Variants in UXT observed in about 807,000 individuals in gnomAD.
UXT encodes ubiquitously expressed prefoldin like chaperone.
For synonymous variants in UXT, 54 were observed against 52.8 expected (o/e 1.02, Z -0.10); for missense variants, 111 against 132.7 (o/e 0.84, Z 0.80).
At chrX:47,654,760 A>C (rs2058078665) in intron 4 of UXT, among the ~76,000 whole-genome samples, 1 of 112,150 alleles carries the variant, frequency 8.9e-6, no homozygotes. Context: ...CTCTTAGAAA[A>C]ATTAAACTTC....
intron 5 of UXT, 79 bp downstream of exon 6, chrX:47,652,002 C>T: frequency 8.5e-7 from 1 of 1,171,594 alleles, no homozygotes; most frequent in Non-Finnish European, 1.2e-6. Context: ...AAAGATGGTC[C>T]TTCCCTTCTT....
chrX:47,652,131 G>T lies in UXT; in HGVS notation c.406C>A (p.Leu136Ile). The T allele has an allele frequency of 5.8e-6, 7 of 1,206,863 alleles. No homozygotes were observed. The highest frequency in any genetic ancestry group is 7.8e-6 in the Non-Finnish European group (7 of 892,786). Residue 136 changes from leucine (L) to isoleucine (I), a missense_variant, in exon 5 of 6, where the codon CTC becomes ATC. Physicochemically the swap from Leu to Ile is conservative, Grantham distance 5. Coordinates refer to ENST00000335890, the MANE Select transcript of UXT (RefSeq NM_153477.3). Reference sequence around the variant, plus strand: ...TTGATATTCATGGAGTCCTTGGTGAGGCTGTTGCTGAGCCTAGAGAAAAGA... The same window carrying T: ...TTGATATTCATGGAGTCCTTGGTGATGCTGTTGCTGAGCCTAGAGAAAAGA...
chrX:47,655,276 G>A (rs1462480316), intron 4 of UXT, among the ~76,000 whole-genome samples: 2 of 112,022 alleles, frequency 1.8e-5, no homozygotes, highest in Non-Finnish European at 3.8e-5. Context: ...GCAAAATTCC[G>A]TCTCAAAAAC....
chrX:47,658,800 A>C, intron 1 of UXT, 30 bp downstream of exon 2: 2 of 1,127,634 alleles, frequency 1.8e-6, no homozygotes, highest in Non-Finnish European at 2.3e-6. Context: ...GGAATGTTCC[A>C]AACGCCCCGC....
chrX:47,657,173 A>AT lies in UXT; in HGVS notation c.392+9dup. 8.5e-7 allele frequency: 1 copy of AT among 1,175,637 alleles called. No homozygotes were observed. Among genetic ancestry groups the AT allele is most frequent in the Non-Finnish European group, 1.2e-6 (1 of 867,723 alleles). On this transcript the variant is annotated intron_variant, in intron 4 of 5. Coordinates refer to ENST00000335890, the MANE Select transcript of UXT (RefSeq NM_153477.3). The stretch of plus-strand genomic sequence containing the variant: ...TGTTTTTACACACTATCCTCATGGA[A>AT]TGGACTTACTCTGTGAGGAGAGAGC...
In UXT at chrX:47,657,626, GAGT is replaced by G; in HGVS notation, c.227_229del (p.His76_Ser77delinsPro). ...CAAATCCACCTGCATATATAACTCC[GAGT>G]GCTTAGCTTCCTGTGGGGCCAGGGA... is the stretch of plus-strand genomic sequence containing the variant. On this transcript the variant is annotated inframe_deletion, in exon 3 of 6. Transcript: ENST00000335890. 8.3e-7 allele frequency: 1 copy of G among 1,210,169 alleles called. No homozygotes were observed. Among genetic ancestry groups the G allele is most frequent in the African/African-American group, 1.7e-5 (1 of 57,629 alleles).
intron 1 of UXT, 84 bp from the exon 3 acceptor site, chrX:47,657,947 C>T: frequency 1.3e-6 from 1 of 798,705 alleles, no homozygotes; most frequent in Admixed American, 4.0e-5. Flanking sequence ...CTGAGACTCT[C>T]ATGTCACCAT....
intron 4 of UXT, among the ~76,000 whole-genome samples, chrX:47,655,238 C>T (rs1483211044): frequency 3.6e-5 from 4 of 112,352 alleles, no homozygotes; most frequent in African/African-American, 9.7e-5. Flanking sequence ...CAAGATCGCA[C>T]CACTGCACTC....
At chrX:47,658,475 A>T (rs2058091133) in intron 1 of UXT, among the ~76,000 whole-genome samples, 1 of 111,747 alleles carries the variant, frequency 8.9e-6, no homozygotes, top group South Asian at 3.7e-4. Context: ...GTTCCAGAAA[A>T]CTCCCCATTT....
At chrX:47,656,987 T>C in intron 4 of UXT, 196 bp downstream of exon 5, 2 of 419,978 alleles carry the variant, frequency 4.8e-6, no homozygotes, top group East Asian at 3.9e-5. Flanking sequence ...TTTGCGTGAA[T>C]GAACAATACA....
intron 3 of UXT, 49 bp from the exon 5 acceptor site, chrX:47,657,339 T>A: frequency 9.6e-7 from 1 of 1,038,861 alleles, no homozygotes. Context: ...TTATCACTGT[T>A]TAGCATAGTT....
intron 4 of UXT, among the ~76,000 whole-genome samples, chrX:47,655,705 CTCT>C (rs2058081311): frequency 2.7e-5 from 3 of 112,040 alleles, no homozygotes; most frequent in South Asian, 7.4e-4. Flanking sequence ...GCCAGGAATG[CTCT>C]TCGCCAGATA....
rs905118644 is a variant in UXT at position 47,656,969 on chromosome X, A to T, written c.392+214T>A. 2.2e-5 allele frequency: 9 copies of T among 407,290 alleles called. No individual in the cohort carries two copies. The African/African-American group carries it at 2.3e-4, about 10-fold the overall frequency. 33.6% of individuals were successfully genotyped at this position (407,290 alleles called of 1,213,427 possible). A position where few individuals can be genotyped will look rare whatever the true frequency, so the allele number is the denominator to read the frequency against. On this transcript the variant is annotated intron_variant, in intron 4 of 5. Coordinates refer to ENST00000335890, the MANE Select transcript of UXT (RefSeq NM_153477.3). ...AGTGCCTGGCATACAGAAGATGCCC[A>T]ATAAATGTTTGCGTGAATGAACAAT...
At chrX:47,657,403 T>G (rs2058086957) in intron 3 of UXT, 113 bp from the exon 5 acceptor site, 1 of 827,497 alleles carries the variant, frequency 1.2e-6, no homozygotes, top group African/African-American at 2.1e-5. Flanking sequence ...GGCAGGGATT[T>G]TGTCCTATTT....
chrX:47,652,010 C>T, intron 5 of UXT, 71 bp downstream of exon 6: 1 of 1,178,777 alleles, frequency 8.5e-7, no homozygotes, highest in South Asian at 1.8e-5. Flanking sequence ...TCCTTCCCTT[C>T]TTTCGCTCTC....
chrX:47,659,147 G>C lies in UXT; in HGVS notation c.-184C>G, dbSNP rs1407736826. ...CGCCAGCAATAAGAACGGTTGGTAG[G>C]AACCGCGGCTTCCGGGTGGCGCGGG... On this transcript the variant is annotated 5_prime_UTR_variant, in exon 1 of 6. Transcript: ENST00000335890. 1 of 674,694 alleles carries C rather than the reference G, an allele frequency of 1.5e-6. No homozygotes were observed. The highest frequency in any genetic ancestry group is 3.6e-5 in the East Asian group (1 of 27,797). 55.6% of individuals were successfully genotyped at this position (674,694 alleles called of 1,213,427 possible).
At chrX:47,656,816 C>A (rs762309594) in intron 4 of UXT, among the ~76,000 whole-genome samples, 1 of 111,807 alleles carries the variant, frequency 8.9e-6, no homozygotes, top group Non-Finnish European at 1.9e-5. Flanking sequence ...GTTACCAATT[C>A]TAACAGGCTG....
intron 4 of UXT, among the ~76,000 whole-genome samples, chrX:47,652,441 ATG>A (rs2058070901): frequency 1.8e-5 from 2 of 112,833 alleles, no homozygotes; most frequent in Non-Finnish European, 3.7e-5. Flanking sequence ...AATAAAAGCT[ATG>A]TGTCAGATGG....
In UXT at chrX:47,659,164, T is replaced by G. The variant is rs1333146033; in HGVS notation, c.-201A>C. On this transcript the variant is annotated 5_prime_UTR_variant, in exon 1 of 6. Transcript: ENST00000335890. ...GTTGGTAGGAACCGCGGCTTCCGGG[T>G]GGCGCGGGTGAATGACGTAAGTGGC... The G allele has an allele frequency of 8.5e-6, 5 of 587,881 alleles. No homozygotes were observed. Among genetic ancestry groups the G allele is most frequent in the Non-Finnish European group, 1.1e-5 (4 of 359,353 alleles). The allele number at this position is 587,881 out of a possible 1,213,427, so 48.4% of individuals were successfully genotyped here. A position where few individuals can be genotyped will look rare whatever the true frequency, so the allele number is the denominator to read the frequency against.
Sources: gnomAD v4.1 joint callset for allele counts (sites outside exome capture counted in the v4.1 genomes callset) on GRCh38, gnomAD v4.1.1 for gene constraint, MANE v1.5 for transcripts, NCBI Gene and HGNC (gene_info 2026-07-23, HGNC 2026-07-21) for gene names.